The following SMAD1 variants were observed in gnomAD, a reference collection of about 807,000 sequenced individuals.
SMAD1 encodes the protein SMAD family member 1.
Under a neutral mutation model 41.6 loss-of-function variants are expected in SMAD1, and 6 were observed. The ratio of observed to expected loss-of-function variants is 0.14; its 90% confidence interval spans 0.08 to 0.28. The LOEUF is 0.28. Ranked by LOEUF, SMAD1 falls within the 10% of genes least tolerant of loss-of-function variation. SMAD1 has a pLI of 1.00. For synonymous variants in SMAD1, 206 were observed against 203.2 expected (o/e 1.01, Z -0.12); for missense variants, 379 against 582.6 (o/e 0.65, Z 3.60).
intron 1 of SMAD1, among the ~76,000 whole-genome samples, chr4:145,511,281 T>A (rs1730061337): frequency 7.0e-6 from 1 of 142,334 alleles, no homozygotes; most frequent in Non-Finnish European, 1.5e-5. Context: ...ATTTTTAAAA[T>A]TTTTATTTGA....
At chr4:145,508,860 G>A (rs1261258576) in intron 1 of SMAD1, among the ~76,000 whole-genome samples, 1 of 152,042 alleles carries the variant, frequency 6.6e-6, no homozygotes, top group African/African-American at 2.4e-5. Flanking sequence ...GATCTCTCTG[G>A]GATCTCTTTT....
At chr4:145,500,958 C>G (rs1729404852) in intron 1 of SMAD1, among the ~76,000 whole-genome samples, 1 of 152,140 alleles carries the variant, frequency 6.6e-6, no homozygotes, top group South Asian at 2.1e-4. Flanking sequence ...CAAATTGAGG[C>G]TCAGAGTTGT....
intron 6 of SMAD1, among the ~76,000 whole-genome samples, chr4:145,555,548 G>T (rs569119375): frequency 6.6e-6 from 1 of 152,184 alleles, no homozygotes; most frequent in African/African-American, 2.4e-5. Flanking sequence ...CACTCTAAGA[G>T]AATTTATTAC....
chr4:145,554,371 G>A (rs1732724761), intron 6 of SMAD1, among the ~76,000 whole-genome samples: 1 of 151,888 alleles, frequency 6.6e-6, no homozygotes, highest in Non-Finnish European at 1.5e-5. Flanking sequence ...GTTGTTTTAC[G>A]AGATCAGTTG....
chr4:145,530,965 C>T (rs1029727898), intron 2 of SMAD1, among the ~76,000 whole-genome samples: 5 of 152,228 alleles, frequency 3.3e-5, no homozygotes, highest in Admixed American at 2.6e-4. Context: ...TAGTGATAGA[C>T]ACTTTTCCCA....
In SMAD1 at chr4:145,486,153, T is replaced by G. The variant is rs868847920; in HGVS notation, c.-177+4115T>G. 7.2e-5 allele frequency among the ~76,000 whole-genome samples: 11 copies of G among 152,380 alleles called. 1 individual carries two copies. The South Asian group carries it at 2.3e-3, about 32-fold the overall frequency. ...AAATAAATTTACCTTCTATTGTGCC[T>G]TTCTGGGCTATCTTCTGTCGTTCTT... is the stretch of plus-strand genomic sequence containing the variant. On this transcript the variant is annotated intron_variant, in intron 1 of 6. Transcript: ENST00000302085.
At chr4:145,505,835 A>G (rs1166997407) in intron 1 of SMAD1, among the ~76,000 whole-genome samples, 1 of 152,092 alleles carries the variant, frequency 6.6e-6, no homozygotes, top group Non-Finnish European at 1.5e-5. Context: ...AAAAAGGAAA[A>G]AAAAGGTCAA....
At chr4:145,555,957 TAAAG>T (rs1732813047) in intron 6 of SMAD1, among the ~76,000 whole-genome samples, 2 of 152,218 alleles carry the variant, frequency 1.3e-5, no homozygotes. Flanking sequence ...TGCTGAATGT[TAAAG>T]AAAAGTTGTT....
At chr4:145,481,122 C>T (rs1728154959), upstream of SMAD1, 1 of 152,074 alleles carries the variant, frequency 6.6e-6, no homozygotes, top group South Asian at 2.1e-4. Flanking sequence ...GGGGAGTTGG[C>T]ATCATCTAAA....
chr4:145,531,449 G>A (rs1006979644), intron 2 of SMAD1, among the ~76,000 whole-genome samples: 5 of 152,066 alleles, frequency 3.3e-5, no homozygotes, highest in Admixed American at 2.6e-4. Context: ...GGGCCATTCT[G>A]TCCCTAGCCC....
At chr4:145,492,554 A>T (rs1202838565) in intron 1 of SMAD1, among the ~76,000 whole-genome samples, 1 of 152,234 alleles carries the variant, frequency 6.6e-6, no homozygotes, top group African/African-American at 2.4e-5. Context: ...TCAGCTGTCC[A>T]GAAGCTCTCT....
chr4:145,558,079 CA>C lies in SMAD1; in HGVS notation c.*160del, dbSNP rs34142651. ...CAACTGTTGGATTCAGAAATTTAAA[CA>C]AAAAAAAAAAAAAACACACACACCT... On this transcript the variant is annotated 3_prime_UTR_variant, in exon 7 of 7. Transcript: ENST00000302085. 14,011 of 283,484 alleles carry C rather than the reference CA, an allele frequency of 0.049. No homozygotes were observed. Among genetic ancestry groups the C allele is most frequent in the East Asian group, 0.12 (2,407 of 19,492 alleles). The allele number at this position is 283,484 out of a possible 1,614,324, so 17.6% of individuals were successfully genotyped here.
At chr4:145,495,616 C>CTT (rs58468364) in intron 1 of SMAD1, among the ~76,000 whole-genome samples, 5,122 of 126,974 alleles carry the variant, frequency 0.04, 338 homozygotes, top group African/African-American at 0.13. Context: ...AATTAATTTC[C>CTT]TTTTTTTTTT....
chr4:145,527,404 T>C (rs996493821), intron 2 of SMAD1, among the ~76,000 whole-genome samples: 2 of 152,080 alleles, frequency 1.3e-5, no homozygotes, highest in African/African-American at 4.8e-5. Flanking sequence ...TTTGTATTTT[T>C]AGTAGAGACG....
upstream of SMAD1, chr4:145,481,768 G>C (rs1335813674): frequency 5.1e-6 from 1 of 196,640 alleles, no homozygotes; most frequent in Non-Finnish European, 1.0e-5. Context: ...CGTGTGAGCG[G>C]GCGGGCGGGC....
chr4:145,540,857 T>C (rs1333867836), intron 3 of SMAD1, among the ~76,000 whole-genome samples: 1 of 152,142 alleles, frequency 6.6e-6, no homozygotes, highest in Non-Finnish European at 1.5e-5. Flanking sequence ...GGCAAGTGTG[T>C]TTATTGGGCT....
At chr4:145,484,363 A>T (rs771165596) in intron 1 of SMAD1, 2 of 152,214 alleles carry the variant, frequency 1.3e-5, no homozygotes, top group Non-Finnish European at 2.9e-5. Context: ...CCTGCTTGAG[A>T]TCTTAAATTG....
At chr4:145,531,700 G>A (rs997452451) in intron 2 of SMAD1, among the ~76,000 whole-genome samples, 4 of 152,142 alleles carry the variant, frequency 2.6e-5, no homozygotes, top group Non-Finnish European at 4.4e-5. Context: ...AGTCACAAAG[G>A]TGGTTACGGG....
chr4:145,505,512 C>T (rs930222636), intron 1 of SMAD1, among the ~76,000 whole-genome samples: 6 of 151,440 alleles, frequency 4.0e-5, no homozygotes, highest in African/African-American at 7.3e-5. Context: ...CTAGCTGCTC[C>T]GGAGGCTGAG....
Sources: gnomAD v4.1 joint callset for allele counts (sites outside exome capture counted in the v4.1 genomes callset) on GRCh38, gnomAD v4.1.1 for gene constraint, MANE v1.5 for transcripts, NCBI Gene and HGNC (gene_info 2026-07-23, HGNC 2026-07-21) for gene names.